ZNF490: variants seen among roughly 807,000 people sequenced by gnomAD.
ZNF490 encodes zinc finger protein 490.
In ZNF490, 11 loss-of-function variants were observed where a neutral mutation model predicts 17.7. The ratio of observed to expected loss-of-function variants is 0.62; its 90% CI spans 0.39 to 1.03. ZNF490 has a LOEUF of 1.03. Among genes scored for constraint, ZNF490 ranks in the 50% least tolerant of loss-of-function variants. ZNF490 has a pLI of 0.00. For synonymous variants in ZNF490, 222 were observed against 216.1 expected (o/e 1.03, Z -0.24); for missense variants, 542 against 643.4 (o/e 0.84, Z 1.71).
chr19:12,582,798 A>C, intron 4 of ZNF490, 52 bp downstream of exon 4: 1 of 1,385,290 alleles, frequency 7.2e-7, no homozygotes, highest in South Asian at 1.2e-5. Flanking sequence ...GAAATTTATG[A>C]AATACTAAGA....
chr19:12,576,813 CAAAA>C lies in ZNF490; in HGVS notation c.*3668_*3671del, dbSNP rs149742929. Among the ~76,000 whole-genome samples, 8 of 37,538 alleles carry C rather than the reference CAAAA, an allele frequency of 2.1e-4. No individual in the cohort carries two copies. Among genetic ancestry groups the C allele is most frequent in the African/African-American group, 3.1e-4 (3 of 9,712 alleles). 24.6% of individuals were successfully genotyped at this position (37,538 alleles called of 152,430 possible). A position where few individuals can be genotyped will look rare whatever the true frequency, so the allele number is the denominator to read the frequency against. On this transcript the variant is annotated 3_prime_UTR_variant, in exon 5 of 5. Transcript: ENST00000311437. ...GCCTGGCAACAGTGAGAATCCATCT[CAAAA>C]AAAAAAAAAAAAAAAAAAACCTAAA...
rs1371159822 is a variant in ZNF490, at chr19:12,580,421, G to GT, written c.*63dup. ...TACATTCCTTGAATTTCTCTCCAGC[G>GT]TAAGTACTCTCATACATCCAAAAGG... On this transcript the variant is annotated 3_prime_UTR_variant, in exon 5 of 5. Transcript: ENST00000311437. 5.9e-6 allele frequency: 9 copies of GT among 1,513,850 alleles called. No homozygotes were observed. The East Asian group carries it at 1.1e-4, about 19-fold the overall frequency. The allele number at this position is 1,513,850 out of a possible 1,614,324, so 93.8% of individuals were successfully genotyped here.
chr19:12,600,639 T>G (rs1209685384), intron 2 of ZNF490, among the ~76,000 whole-genome samples: 1 of 152,124 alleles, frequency 6.6e-6, no homozygotes, highest in East Asian at 1.9e-4. Context: ...AGTAACAGAT[T>G]TCCTTGTCAA....
intron 2 of ZNF490, among the ~76,000 whole-genome samples, chr19:12,592,048 C>T (rs1178509238): frequency 6.6e-6 from 1 of 152,070 alleles, no homozygotes; most frequent in African/African-American, 2.4e-5. Context: ...AAAAAGAAAT[C>T]AGGTATCAGC....
chr19:12,609,736 A>G (rs1568284326), intron 1 of ZNF490: 3 of 285,674 alleles, frequency 1.1e-5, no homozygotes, highest in Admixed American at 5.0e-5. Context: ...AAAAACAGAA[A>G]GTCAAAAACT....
chr19:12,581,755 GT>G, intron 4 of ZNF490, 31 bp from the exon 5 acceptor site: 1 of 1,505,820 alleles, frequency 6.6e-7, no homozygotes, highest in Non-Finnish European at 9.0e-7. Context: ...ATTATTAATA[GT>G]TTTGTATTAA....
At chr19:12,583,809 A>AT (rs2022778086) in intron 2 of ZNF490, among the ~76,000 whole-genome samples, 6 of 105,110 alleles carry the variant, frequency 5.7e-5, no homozygotes, top group African/African-American at 1.6e-4. Context: ...ATATATATAT[A>AT]TATTTTTTTT....
At chr19:12,597,095 G>A in intron 2 of ZNF490, 1 of 459,216 alleles carries the variant, frequency 2.2e-6, no homozygotes, top group South Asian at 1.5e-5. Flanking sequence ...TCCCATAGCC[G>A]GTTCCGACAA....
At chr19:12,596,736 G>A (rs2022938179) in intron 2 of ZNF490, among the ~76,000 whole-genome samples, 1 of 152,156 alleles carries the variant, frequency 6.6e-6, no homozygotes, top group African/African-American at 2.4e-5. Context: ...GACAGCAGGG[G>A]CATCTGAGCA....
chr19:12,598,792 G>C (rs13346036), intron 2 of ZNF490, among the ~76,000 whole-genome samples: 3,703 of 151,388 alleles, frequency 0.024, 145 homozygotes, highest in African/African-American at 0.085. Flanking sequence ...TTCGAGACCA[G>C]CCTGGCCAAC....
intron 2 of ZNF490, among the ~76,000 whole-genome samples, chr19:12,596,017 C>A (rs919247719): frequency 6.6e-6 from 1 of 152,046 alleles, no homozygotes; most frequent in Non-Finnish European, 1.5e-5. Flanking sequence ...GTAATCCCAG[C>A]ACTTCAGAAG....
At chr19:12,596,085 T>C (rs1393141320) in intron 2 of ZNF490, among the ~76,000 whole-genome samples, 2 of 151,892 alleles carry the variant, frequency 1.3e-5, no homozygotes, top group Non-Finnish European at 2.9e-5. Flanking sequence ...GTCAATAAGA[T>C]GCAATCCCAT....
At chr19:12,598,642 G>A (rs1021921113) in intron 2 of ZNF490, among the ~76,000 whole-genome samples, 5 of 151,394 alleles carry the variant, frequency 3.3e-5, no homozygotes, top group Non-Finnish European at 5.9e-5. Context: ...CTCCCAAAGT[G>A]CTGGGATTAC....
intron 3 of ZNF490, 80 bp from the exon 4 acceptor site, chr19:12,582,990 C>G: frequency 8.5e-7 from 1 of 1,177,032 alleles, no homozygotes; most frequent in Non-Finnish European, 1.2e-6. Context: ...CCATGATTAG[C>G]TATTGATTAG....
Position 12,578,450 on chromosome 19 carries a change from A to G in ZNF490, c.*2035T>C. On this transcript the variant is annotated 3_prime_UTR_variant, in exon 5 of 5. Transcript: ENST00000311437. ...CTCTGCTTCTTCAGTCTCTCACCTCAGAGCCACCTGCGGTTGCCACAGAGA... is the reference window on the plus strand; with the variant it reads ...CTCTGCTTCTTCAGTCTCTCACCTCGGAGCCACCTGCGGTTGCCACAGAGA... 1.0e-6 allele frequency: 1 copy of G among 985,470 alleles called. No homozygotes were observed. Among genetic ancestry groups the G allele is most frequent in the South Asian group, 4.7e-5 (1 of 21,288 alleles). The allele number at this position is 985,470 out of a possible 1,614,324, so 61.0% of individuals were successfully genotyped here.
intron 2 of ZNF490, among the ~76,000 whole-genome samples, chr19:12,587,012 C>T (rs1181727836): frequency 1.2e-5 from 1 of 85,150 alleles, no homozygotes; most frequent in Admixed American, 1.1e-4. Flanking sequence ...TGCAGTGAGG[C>T]GAGATCGCGC....
intron 1 of ZNF490, chr19:12,609,732 A>C (rs1202188787): frequency 3.5e-6 from 1 of 286,980 alleles, no homozygotes; most frequent in Non-Finnish European, 6.8e-6. Flanking sequence ...ATGCAAAAAC[A>C]GAAAGTCAAA....
In ZNF490 at chr19:12,577,125, A is replaced by T. The variant is rs193167166; in HGVS notation, c.*3360T>A. 5.2e-4 allele frequency among the ~76,000 whole-genome samples: 79 copies of T among 152,260 alleles called. No individual in the cohort carries two copies. Among genetic ancestry groups the T allele is most frequent in the Non-Finnish European group, 3.1e-4 (21 of 68,030 alleles). ...CTTCCAGAATGCCAGGATCAAGGGG[A>T]CAGAGATATTAGCACAGCTTTGTTG... On this transcript the variant is annotated 3_prime_UTR_variant, in exon 5 of 5. Coordinates refer to ENST00000311437, the MANE Select transcript of ZNF490 (RefSeq NM_020714.3).
Position 12,577,869 on chromosome 19 carries a change from A to C in ZNF490, c.*2616T>G, listed in dbSNP as rs930622284. 48 of 985,200 alleles carry C rather than the reference A, an allele frequency of 4.9e-5. No homozygotes were observed. In the African/African-American group the frequency reaches 7.7e-4, roughly 16 times the overall value. 61.0% of individuals were successfully genotyped at this position (985,200 alleles called of 1,614,324 possible). A position where few individuals can be genotyped will look rare whatever the true frequency, so the allele number is the denominator to read the frequency against. On this transcript the variant is annotated 3_prime_UTR_variant, in exon 5 of 5. Coordinates refer to ENST00000311437, the MANE Select transcript of ZNF490 (RefSeq NM_020714.3). ...GCCACCTCCCTTCTAAAACACACTG[A>C]CTTGCTAAGAAAAGGGGGGACTGAC...
Sources: gnomAD v4.1 joint callset for allele counts (sites outside exome capture counted in the v4.1 genomes callset) on GRCh38, gnomAD v4.1.1 for gene constraint, MANE v1.5 for transcripts, NCBI Gene and HGNC (gene_info 2026-07-23, HGNC 2026-07-21) for gene names.